The following AK8 variants were observed in gnomAD, a reference collection of about 807,000 sequenced individuals.
AK8 encodes adenylate kinase 8, also known as ATP-AMP transphosphorylase 8.
In AK8, 44 loss-of-function variants were observed where a neutral mutation model predicts 54.6. The observed-to-expected ratio is 0.81, with a 90% CI of 0.63 to 1.04. AK8 has a LOEUF of 1.04. Among genes scored for constraint, AK8 ranks in the 50% least tolerant of loss-of-function variants. AK8 has a pLI of 0.00. For synonymous variants in AK8, 239 were observed against 245.6 expected, an observed-to-expected ratio of 0.97 and a Z score of 0.25; for missense variants, 555 against 613.6, an observed-to-expected ratio of 0.90 and a Z score of 1.01.
chr9:132,783,012 C>T (rs1356037479), intron 11 of AK8, among the ~76,000 whole-genome samples: 1 of 152,208 alleles, frequency 6.6e-6, no homozygotes. Flanking sequence ...AGATGTTCAC[C>T]TCTTAATTCC....
chr9:132,784,363 A>G (rs1325207529), intron 11 of AK8, among the ~76,000 whole-genome samples: 1 of 152,184 alleles, frequency 6.6e-6, no homozygotes, highest in Non-Finnish European at 1.5e-5. Context: ...TACTAAAAAT[A>G]CAAAAAGTAG....
chr9:132,871,202 C>T (rs1479189033), intron 2 of AK8, among the ~76,000 whole-genome samples: 1 of 152,092 alleles, frequency 6.6e-6, no homozygotes, highest in Non-Finnish European at 1.5e-5. Context: ...GCTGAGATTG[C>T]GCCATTGCAC....
chr9:132,836,038 G>A (rs1056623110), intron 5 of AK8, among the ~76,000 whole-genome samples: 3 of 152,124 alleles, frequency 2.0e-5, no homozygotes, highest in Non-Finnish European at 2.9e-5. Flanking sequence ...CAGGAGAATC[G>A]CTTGCACCTG....
chr9:132,731,569 T>A (rs1310918139), intron 11 of AK8, among the ~76,000 whole-genome samples: 2 of 152,188 alleles, frequency 1.3e-5, no homozygotes, highest in Admixed American at 6.5e-5. Flanking sequence ...GCTGTGGACA[T>A]CAGAAATTTG....
rs905426964 is a variant in AK8, at chr9:132,803,863, G to T, written c.979+10775C>A. Among the ~76,000 whole-genome samples, 87 of 152,150 alleles carry T rather than the reference G, an allele frequency of 5.7e-4. No individual in the cohort carries two copies. The highest frequency in any genetic ancestry group is 8.2e-4 in the Non-Finnish European group (56 of 68,030). On this transcript the variant is annotated intron_variant, in intron 10 of 12. Coordinates refer to ENST00000298545, the MANE Select transcript of AK8 (RefSeq NM_152572.3). The surrounding 1 kb of genome is among the most constrained non-coding windows in gnomAD (Gnocchi z 4.4). Reference sequence around the variant, plus strand: ...ATGGTGGTTCACGCCTGTAATCCCAGCACTTTGGGAGGCCGAGGCTGGCGG... The same window carrying T: ...ATGGTGGTTCACGCCTGTAATCCCATCACTTTGGGAGGCCGAGGCTGGCGG...
At chr9:132,870,937 T>C (rs1363651688) in intron 2 of AK8, among the ~76,000 whole-genome samples, 1 of 152,228 alleles carries the variant, frequency 6.6e-6, no homozygotes, top group Non-Finnish European at 1.5e-5. Context: ...TCGAGGCTTC[T>C]CCCACTCCTA....
intron 5 of AK8, among the ~76,000 whole-genome samples, 157 bp downstream of exon 5, chr9:132,854,700 C>T (rs1843107778): frequency 6.6e-6 from 1 of 152,184 alleles, no homozygotes; most frequent in African/African-American, 2.4e-5. Context: ...TTGACAAAAG[C>T]AAAATCCATG....
At chr9:132,865,781 C>T (rs1224267523) in intron 3 of AK8, among the ~76,000 whole-genome samples, 1 of 150,310 alleles carries the variant, frequency 6.7e-6, no homozygotes, top group East Asian at 2.0e-4. Flanking sequence ...CCACTGCACT[C>T]CAACCTAGCA....
chr9:132,864,136 G>A (rs1843498151), intron 3 of AK8, among the ~76,000 whole-genome samples: 1 of 152,190 alleles, frequency 6.6e-6, no homozygotes, highest in South Asian at 2.1e-4. Flanking sequence ...CCTAAGGATG[G>A]GTAACAGCCC....
chr9:132,781,153 T>C lies in AK8; in HGVS notation c.1121+11481A>G, dbSNP rs550564242. ...TGGATGCAGCCATGAACATAGTTCT[T>C]TCTTTGTTTCTTTCTTTCTTTCTTT... On this transcript the variant is annotated intron_variant, in intron 11 of 12. Coordinates refer to ENST00000298545, the MANE Select transcript of AK8 (RefSeq NM_152572.3). This position sits in a 1 kb window ranked among gnomAD's most constrained non-coding sequence, Gnocchi z 4.6. Among the ~76,000 whole-genome samples, 9 of 150,020 alleles carry C rather than the reference T, an allele frequency of 6.0e-5. No homozygotes were observed. The highest frequency in any genetic ancestry group is 2.2e-4 in the African/African-American group (9 of 41,506).
Position 132,878,204 on chromosome 9 carries a change from C to A in AK8, c.52G>T (p.Gly18Trp), listed in dbSNP as rs369166043. 9.6e-6 allele frequency: 14 copies of A among 1,463,318 alleles called. No homozygotes were observed. The African/African-American group carries it at 1.6e-4, about 17-fold the overall frequency. 90.6% of individuals were successfully genotyped at this position (1,463,318 alleles called of 1,614,324 possible). ...AACTCGAAGATGTGGTTCTCCTCCC[C>A]GTACTGGGGCATCTCGGGGGGGATA... is the stretch of plus-strand genomic sequence containing the variant. ...HRIPPEMPQYGEENHIFELMQ... is the reference protein window; with the variant it reads ...HRIPPEMPQYWEENHIFELMQ... The change falls in exon 1 of 13, where the codon GGG (glycine) becomes TGG (tryptophan). Residue 18 changes from glycine to tryptophan, a missense_variant. Transcript: ENST00000298545. The surrounding 1 kb of genome is among the most constrained non-coding windows in gnomAD (Gnocchi z 4.7).
At chr9:132,877,090 C>T (rs995557803) in intron 1 of AK8, among the ~76,000 whole-genome samples, 2 of 152,136 alleles carry the variant, frequency 1.3e-5, no homozygotes, top group African/African-American at 4.8e-5. Context: ...CTTTCCTGGG[C>T]AATTCCTCCA....
intron 5 of AK8, among the ~76,000 whole-genome samples, chr9:132,831,023 C>T (rs941459189): frequency 6.6e-6 from 1 of 152,238 alleles, no homozygotes; most frequent in South Asian, 2.1e-4. Context: ...AACTCACCCA[C>T]AATACAGTCT....
chr9:132,792,683 C>A lies in AK8; in HGVS notation c.1072G>T (p.Asp358Tyr). ...KGWVLHGVPR[D>Y]LDQAHLLNRL... ...TTCAGCAGGTGTGCCTGGTCGAGGT[C>A]CCGCGGGACGCCGTGTAGCACCCAG... Residue 358 changes from aspartate (D) to tyrosine (Y), a missense_variant, in exon 11 of 13, where the codon GAC (aspartate) becomes TAC (tyrosine). Physicochemically the swap from Asp to Tyr is radical, Grantham distance 160. Coordinates refer to ENST00000298545, the MANE Select transcript of AK8 (RefSeq NM_152572.3). 6.4e-7 allele frequency: 1 copy of A among 1,556,064 alleles called. No homozygotes were observed. Among genetic ancestry groups the A allele is most frequent in the South Asian group, 1.2e-5 (1 of 84,272 alleles).
At chr9:132,767,709 T>G (rs1261614936) in intron 11 of AK8, among the ~76,000 whole-genome samples, 1 of 152,206 alleles carries the variant, frequency 6.6e-6, no homozygotes, top group Admixed American at 6.5e-5. Flanking sequence ...TCAACCTAAG[T>G]GTCCATCCAC....
At chr9:132,730,452 T>TTTC (rs1554780917) in intron 11 of AK8, among the ~76,000 whole-genome samples, 1 of 150,610 alleles carries the variant, frequency 6.6e-6, no homozygotes. Context: ...TTTTTTTTTT[T>TTTC]CCATCCTTGC....
chr9:132,799,377 C>T lies in AK8; in HGVS notation c.980-6602G>A, dbSNP rs193105984. Among the ~76,000 whole-genome samples the T allele has an allele frequency of 1.8e-4, 28 of 152,214 alleles. No homozygotes were observed. The East Asian group carries it at 5.2e-3, about 28-fold the overall frequency. On this transcript the variant is annotated intron_variant, in intron 10 of 12. Coordinates refer to ENST00000298545, the MANE Select transcript of AK8 (RefSeq NM_152572.3). The surrounding 1 kb of genome is among the most constrained non-coding windows in gnomAD (Gnocchi z 5.0). The stretch of plus-strand genomic sequence containing the variant: ...ATGCTAAGGTTGATTGCTAGACTCA[C>T]GACAAGCCATGTGAGCCTCCTTGGC...
At chr9:132,842,790 A>G in intron 5 of AK8, among the ~76,000 whole-genome samples, 1 of 152,244 alleles carries the variant, frequency 6.6e-6, no homozygotes, top group East Asian at 1.9e-4. Context: ...TTCCCAGCTC[A>G]TCTGGATTGT....
In AK8 at chr9:132,837,059, G is replaced by A. The variant is rs779249422; in HGVS notation, c.403-8333C>T. Among the ~76,000 whole-genome samples, 6 of 152,160 alleles carry A rather than the reference G, an allele frequency of 3.9e-5. No homozygotes were observed. Among genetic ancestry groups the A allele is most frequent in the Non-Finnish European group, 5.9e-5 (4 of 68,038 alleles). On this transcript the variant is annotated intron_variant, in intron 5 of 12. Coordinates refer to ENST00000298545, the MANE Select transcript of AK8 (RefSeq NM_152572.3). This position sits in a 1 kb window ranked among gnomAD's most constrained non-coding sequence, Gnocchi z 4.3. ...GAACGGGCCAGGCGTGGTGGTTCAC[G>A]CCTATAATCCCAGCACTTTGGGAGG...
Sources: allele counts gnomAD v4.1 joint callset (sites outside exome capture counted in the v4.1 genomes callset), GRCh38; gene constraint gnomAD v4.1.1; non-coding constraint Gnocchi (gnomAD v3.1); transcripts MANE v1.5; gene names NCBI Gene and HGNC (gene_info 2026-07-23, HGNC 2026-07-21).